Variants in ZWILCH observed in about 807,000 individuals in gnomAD.
ZWILCH encodes zwilch kinetochore protein, also known as protein zwilch homolog.
ZWILCH carries 74 observed loss-of-function variants against 79.9 expected under a neutral mutation model. The ratio of observed to expected loss-of-function variants is 0.93; its 90% CI spans 0.77 to 1.12. The LOEUF is 1.12. Among genes scored for constraint, ZWILCH ranks in the 50% most tolerant of loss-of-function variants. The pLI, the probability that ZWILCH is intolerant of heterozygous loss-of-function variation, is 0.00. For missense variants in ZWILCH, 694 were observed against 687.5 expected (o/e 1.01, Z -0.11); for synonymous variants, 241 against 228.2 (o/e 1.06, Z -0.51).
intron 8 of ZWILCH, among the ~76,000 whole-genome samples, chr15:66,526,763 T>G (rs1333135613): frequency 6.6e-6 from 1 of 152,172 alleles, no homozygotes; most frequent in East Asian, 1.9e-4. Flanking sequence ...CGCCCGGCAC[T>G]TGACTGCTTT....
intron 17 of ZWILCH, among the ~76,000 whole-genome samples, chr15:66,544,455 C>T (rs1245171254): frequency 2.0e-5 from 3 of 151,584 alleles, no homozygotes; most frequent in Admixed American, 6.6e-5. Context: ...CTTCAGCGTC[C>T]CAAGTAGCTT....
intron 10 of ZWILCH, 119 bp from the exon 11 acceptor site, chr15:66,528,733 T>C (rs1346277304): frequency 2.9e-5 from 21 of 719,984 alleles, no homozygotes; most frequent in Non-Finnish European, 4.1e-5. Flanking sequence ...TGTAGAAAAT[T>C]CGTTCATATC....
intron 11 of ZWILCH, 144 bp from the exon 12 acceptor site, chr15:66,529,350 T>G: frequency 1.8e-6 from 1 of 543,218 alleles, no homozygotes; most frequent in Non-Finnish European, 3.2e-6. Context: ...TTTTTTTTTT[T>G]GCCACTTTAA....
chr15:66,524,049 C>T (rs1301774392), intron 8 of ZWILCH, among the ~76,000 whole-genome samples: 2 of 151,990 alleles, frequency 1.3e-5, no homozygotes, highest in East Asian at 1.9e-4. Flanking sequence ...ATTCATCAGT[C>T]GATTGACATC....
chr15:66,544,724 T>TTTTTTTTGTGTGTGTG lies in ZWILCH; in HGVS notation c.1688-1866_1688-1865insTTTTTTGTGTGTGTGT, dbSNP rs145952622. Among the ~76,000 whole-genome samples the TTTTTTTTGTGTGTGTG allele has an allele frequency of 5.4e-5, 7 of 128,544 alleles. No individual in the cohort carries two copies. The South Asian group carries it at 8.1e-4, about 15-fold the overall frequency. 84.3% of individuals were successfully genotyped at this position (128,544 alleles called of 152,430 possible). On this transcript the variant is annotated intron_variant, in intron 17 of 18. Transcript: ENST00000307897. ...TGTTTTTTTGTTGTTTTTTTGGTTT[T>TTTTTTTTGTGTGTGTG]TGTGTGTGTGTGTGTGTGTGTGTGT...
At chr15:66,507,835 A>T (rs1893885614) in intron 1 of ZWILCH, among the ~76,000 whole-genome samples, 1 of 151,218 alleles carries the variant, frequency 6.6e-6, no homozygotes, top group Non-Finnish European at 1.5e-5. Context: ...CTGGAGGCTG[A>T]GGCAGGAGAA....
intron 12 of ZWILCH, among the ~76,000 whole-genome samples, chr15:66,529,943 C>G (rs917773369): frequency 1.3e-5 from 2 of 152,166 alleles, no homozygotes; most frequent in Non-Finnish European, 2.9e-5. Flanking sequence ...CTCTAAAAAG[C>G]AATTTTGGTA....
chr15:66,540,320 G>A (rs1203478818), intron 17 of ZWILCH, 110 bp downstream of exon 17: 3 of 781,480 alleles, frequency 3.8e-6, no homozygotes, highest in African/African-American at 1.8e-5. Context: ...GGGAGGCCGG[G>A]GTGGGCAGAT....
intron 7 of ZWILCH, 33 bp from the exon 8 acceptor site, chr15:66,523,644 C>A: frequency 6.7e-7 from 1 of 1,482,628 alleles, no homozygotes; most frequent in Non-Finnish European, 9.4e-7. Flanking sequence ...AGGATTAGCA[C>A]TAGAAAACTG....
intron 5 of ZWILCH, 100 bp downstream of exon 5, chr15:66,519,178 G>A: frequency 1.7e-6 from 2 of 1,170,066 alleles, no homozygotes; most frequent in South Asian, 2.7e-5. Context: ...TGATGAAAGT[G>A]CACAAGGTAG....
At chr15:66,509,694 A>T (rs1012297279) in intron 2 of ZWILCH, among the ~76,000 whole-genome samples, 1 of 142,972 alleles carries the variant, frequency 7.0e-6, no homozygotes, top group Non-Finnish European at 1.6e-5. Flanking sequence ...ACTTGGGGAG[A>T]TAAAACCTAT....
At chr15:66,537,084 T>C in intron 15 of ZWILCH, 84 bp from the exon 16 acceptor site, 1 of 974,914 alleles carries the variant, frequency 1.0e-6, no homozygotes, top group Non-Finnish European at 1.6e-6. Flanking sequence ...AATAAAATGT[T>C]TCCCTTACGA....
Position 66,548,606 on chromosome 15 carries a change from C to G in ZWILCH, c.*282C>G, listed in dbSNP as rs779146379. ...ATTTGCATGTGACTTAGCAAGGGCT[C>G]TGAAATGACAAAGAGAACGAGCACC... On this transcript the variant is annotated 3_prime_UTR_variant, in exon 19 of 19. Coordinates refer to ENST00000307897, the MANE Select transcript of ZWILCH (RefSeq NM_017975.5). The G allele has an allele frequency of 6.6e-7, 1 of 1,524,334 alleles. No homozygotes were observed. The highest frequency in any genetic ancestry group is 1.1e-5 in the South Asian group (1 of 89,094). The allele number at this position is 1,524,334 out of a possible 1,614,324, so 94.4% of individuals were successfully genotyped here. A position where few individuals can be genotyped will look rare whatever the true frequency, so the allele number is the denominator to read the frequency against.
intron 8 of ZWILCH, among the ~76,000 whole-genome samples, chr15:66,527,044 G>T (rs1021167238): frequency 1.3e-5 from 2 of 152,090 alleles, no homozygotes; most frequent in African/African-American, 2.4e-5. Context: ...GTTACTAATT[G>T]TGTGACCATG....
chr15:66,544,724 T>TTTTTTTTTTGTGTGTGTGTG lies in ZWILCH; in HGVS notation c.1688-1866_1688-1865insTTTTTTTTGTGTGTGTGTGT, dbSNP rs145952622. Among the ~76,000 whole-genome samples, 5 of 128,540 alleles carry TTTTTTTTTTGTGTGTGTGTG rather than the reference T, an allele frequency of 3.9e-5. No individual in the cohort carries two copies. The East Asian group carries it at 7.4e-4, about 19-fold the overall frequency. 84.3% of individuals were successfully genotyped at this position (128,540 alleles called of 152,430 possible). ...TGTTTTTTTGTTGTTTTTTTGGTTTTTGTGTGTGTGTGTGTGTGTGTGTGT... is the reference window on the plus strand; with the variant it reads ...TGTTTTTTTGTTGTTTTTTTGGTTTTTTTTTTTTTGTGTGTGTGTGTGTGTGTGTGTGTGTGTGTGTGTGT... On this transcript the variant is annotated intron_variant, in intron 17 of 18. Transcript: ENST00000307897.
At chr15:66,529,615 T>TA (rs760751762) in intron 12 of ZWILCH, 42 bp downstream of exon 12, 6 of 1,460,576 alleles carry the variant, frequency 4.1e-6, no homozygotes, top group Non-Finnish European at 5.7e-6. Flanking sequence ...CTCAGCAGCA[T>TA]AGCATGATGT....
chr15:66,506,862 T>C (rs562219949), intron 1 of ZWILCH, among the ~76,000 whole-genome samples: 30 of 131,678 alleles, frequency 2.3e-4, no homozygotes, highest in Admixed American at 8.1e-4. Flanking sequence ...ATTTAGACCC[T>C]TTTTTTTTTT....
intron 8 of ZWILCH, among the ~76,000 whole-genome samples, chr15:66,524,101 A>C (rs945383020): frequency 6.6e-6 from 1 of 152,146 alleles, no homozygotes; most frequent in Non-Finnish European, 1.5e-5. Flanking sequence ...TAATGCCTCC[A>C]TGAACATTTA....
chr15:66,538,871 C>T (rs1409586103), intron 16 of ZWILCH, among the ~76,000 whole-genome samples: 1 of 152,206 alleles, frequency 6.6e-6, no homozygotes, highest in African/African-American at 2.4e-5. Flanking sequence ...ACTCTACCCT[C>T]TGCTTTCTTT....
Sources: gnomAD v4.1 joint callset for allele counts (sites outside exome capture counted in the v4.1 genomes callset) on GRCh38, gnomAD v4.1.1 for gene constraint, MANE v1.5 for transcripts, NCBI Gene and HGNC (gene_info 2026-07-23, HGNC 2026-07-21) for gene names.